Variants in RASA3 observed in about 807,000 individuals in gnomAD.
RASA3 encodes the protein ras GTPase-activating protein 3.
A neutral mutation model predicts 110.0 loss-of-function variants in RASA3; 73 were observed. That is an observed-to-expected ratio of 0.66 (90% CI 0.55 to 0.81). The LOEUF (loss-of-function observed/expected upper bound fraction) is 0.81, where lower values mean the gene tolerates loss of function less well. RASA3 is among the 30% of genes least tolerant of loss of function. The pLI, the probability that RASA3 is intolerant of heterozygous loss-of-function variation, is 0.00. For missense variants in RASA3, 976 were observed against 1,113.2 expected, an observed-to-expected ratio of 0.88 and a Z score of 1.75; for synonymous variants, 500 against 451.4, an observed-to-expected ratio of 1.11 and a Z score of -1.37.
intron 4 of RASA3, among the ~76,000 whole-genome samples, chr13:114,039,142 C>T (rs1202310244): frequency 6.6e-6 from 1 of 152,256 alleles, no homozygotes; most frequent in Non-Finnish European, 1.5e-5. Context: ...GGACTCTGCA[C>T]TCAGACACAC....
Position 114,089,305 on chromosome 13 carries a change from G to A in RASA3, c.56-15468C>T, listed in dbSNP as rs59544451. Among the ~76,000 whole-genome samples the A allele has an allele frequency of 7.9e-3, 1,144 of 145,340 alleles. 20 individuals carry two copies. The highest frequency in any genetic ancestry group is 0.026 in the African/African-American group (1,050 of 39,682). On this transcript the variant is annotated intron_variant, in intron 1 of 23. Coordinates refer to ENST00000334062, the MANE Select transcript of RASA3 (RefSeq NM_007368.4). ...GGGGAGACGAGCGGGGAGGAGGGGG[G>A]GAGGAGGGGGGAGGGGGAAGGGGAA...
chr13:113,993,427 C>T (rs1258161142), intron 21 of RASA3, among the ~76,000 whole-genome samples: 14 of 151,916 alleles, frequency 9.2e-5, no homozygotes, highest in African/African-American at 2.9e-4. Flanking sequence ...CCACCCACCT[C>T]GACCTCCCAA....
chr13:114,102,861 T>C (rs2080077703), intron 1 of RASA3, among the ~76,000 whole-genome samples: 1 of 152,182 alleles, frequency 6.6e-6, no homozygotes, highest in Non-Finnish European at 1.5e-5. Context: ...CCAAGTCGTC[T>C]GTATAATCGC....
intron 21 of RASA3, among the ~76,000 whole-genome samples, chr13:113,993,478 ATGTCTTTTTATAAATCTTACTT>A (rs997724098): frequency 6.6e-6 from 1 of 151,872 alleles, no homozygotes; most frequent in Non-Finnish European, 1.5e-5. Flanking sequence ...GCCCGGCCTC[ATGTCTTTTTATAAATCTTACTT>A]TGTGTTATTA....
intron 12 of RASA3, among the ~76,000 whole-genome samples, chr13:114,016,731 C>T (rs2053801306): frequency 6.6e-6 from 1 of 152,206 alleles, no homozygotes; most frequent in African/African-American, 2.4e-5. Context: ...ATGATTTTGC[C>T]CACAGAGCAA....
At chr13:114,083,435 C>A (rs547348412) in intron 1 of RASA3, among the ~76,000 whole-genome samples, 3 of 152,358 alleles carry the variant, frequency 2.0e-5, no homozygotes, top group East Asian at 1.9e-4. Context: ...TTCAGAGGCA[C>A]CCACACCTCC....
chr13:114,088,113 AGAGT>A (rs1399922778), intron 1 of RASA3, among the ~76,000 whole-genome samples: 1 of 132,822 alleles, frequency 7.5e-6, no homozygotes. Context: ...CCTGGATGAC[AGAGT>A]GAGGCCCTGT....
intron 1 of RASA3, among the ~76,000 whole-genome samples, chr13:114,074,456 T>C: frequency 6.6e-6 from 1 of 152,250 alleles, no homozygotes; most frequent in East Asian, 1.9e-4. Context: ...CTGGATTCCC[T>C]TCTATTTTAA....
rs562409528 is a variant in RASA3, at chr13:114,011,661, G to A, written c.1513-413C>T. Among the ~76,000 whole-genome samples, 178 of 152,130 alleles carry A rather than the reference G, an allele frequency of 1.2e-3. No homozygotes were observed. The highest frequency in any genetic ancestry group is 4.1e-3 in the African/African-American group (169 of 41,478). On this transcript the variant is annotated intron_variant, in intron 15 of 23. Transcript: ENST00000334062. The surrounding 1 kb of genome is among the most constrained non-coding windows in gnomAD (Gnocchi z 4.8). Reference sequence around the variant, plus strand: ...CTGGGGGCCGGGCTTGGTGGCTCACGCCTGTAATCCCAGCACTTCGGGAGG... The same window carrying A: ...CTGGGGGCCGGGCTTGGTGGCTCACACCTGTAATCCCAGCACTTCGGGAGG...
At chr13:114,020,616 C>T (rs1157727473) in intron 9 of RASA3, among the ~76,000 whole-genome samples, 1 of 152,222 alleles carries the variant, frequency 6.6e-6, no homozygotes, top group Non-Finnish European at 1.5e-5. Context: ...CTCTCAGGAG[C>T]TGCCTGTCGC....
chr13:114,089,758 A>AGTTCTGCT (rs2079868085), intron 1 of RASA3, among the ~76,000 whole-genome samples: 1 of 152,158 alleles, frequency 6.6e-6, no homozygotes, highest in Non-Finnish European at 1.5e-5. Flanking sequence ...CGAGTTGAGC[A>AGTTCTGCT]ACCGTTATCA....
intron 1 of RASA3, among the ~76,000 whole-genome samples, chr13:114,128,053 C>T (rs1281523924): frequency 6.6e-6 from 1 of 152,212 alleles, no homozygotes; most frequent in African/African-American, 2.4e-5. Flanking sequence ...CAGGTGCAGC[C>T]AGGCCCTGCA....
rs2080250085 is a variant in RASA3 at position 114,114,125 on chromosome 13, G to C, written c.55+18310C>G. Among the ~76,000 whole-genome samples the C allele has an allele frequency of 6.6e-6, 1 of 152,194 alleles. No individual in the cohort carries two copies. The highest frequency in any genetic ancestry group is 1.5e-5 in the Non-Finnish European group (1 of 68,042). On this transcript the variant is annotated intron_variant, in intron 1 of 23. Coordinates refer to ENST00000334062, the MANE Select transcript of RASA3 (RefSeq NM_007368.4). The surrounding 1 kb of genome is among the most constrained non-coding windows in gnomAD (Gnocchi z 4.8). ...AGTGTCTGCGATGTCTGTAGTATCT[G>C]CAATGTCCATGCAGCTCTCACCATG...
rs908210929 is a variant in RASA3 at position 114,053,804 on chromosome 13, A to G, written c.174-1649T>C. 2.6e-5 allele frequency among the ~76,000 whole-genome samples: 4 copies of G among 152,278 alleles called. No homozygotes were observed. In the East Asian group the frequency reaches 5.8e-4, roughly 22 times the overall value. On this transcript the variant is annotated intron_variant, in intron 2 of 23. Coordinates refer to ENST00000334062, the MANE Select transcript of RASA3 (RefSeq NM_007368.4). The stretch of plus-strand genomic sequence containing the variant: ...ACTTCATCAAAATTAAAAACATTAA[A>G]AACTTTTTTGCATTAAAAGCATTAT...
At chr13:114,066,286 G>A (rs372685537) in intron 2 of RASA3, among the ~76,000 whole-genome samples, 183 of 152,306 alleles carry the variant, frequency 1.2e-3, no homozygotes, top group African/African-American at 2.2e-3. Context: ...ACCAGACACC[G>A]GGTCCCCTGC....
intron 8 of RASA3, among the ~76,000 whole-genome samples, chr13:114,021,752 G>C (rs1405021841): frequency 1.3e-5 from 2 of 152,174 alleles, no homozygotes; most frequent in East Asian, 3.9e-4. Context: ...CCATGGGCCC[G>C]GACTCAGACC....
At chr13:113,981,040 T>A (rs1338325441) in intron 23 of RASA3, among the ~76,000 whole-genome samples, 1 of 152,168 alleles carries the variant, frequency 6.6e-6, no homozygotes, top group African/African-American at 2.4e-5. Context: ...GGGTACCCAC[T>A]GGATGGAGAG....
intron 2 of RASA3, among the ~76,000 whole-genome samples, chr13:114,059,962 A>G (rs749962949): frequency 5.7e-4 from 87 of 152,228 alleles, no homozygotes; most frequent in African/African-American, 2.0e-3. Context: ...CGGGGGCAGC[A>G]CTGTGGCCTC....
chr13:114,003,521 TA>T (rs1331911943), intron 18 of RASA3, among the ~76,000 whole-genome samples: 1 of 152,244 alleles, frequency 6.6e-6, no homozygotes, highest in African/African-American at 2.4e-5. Flanking sequence ...TGTTAAAGAA[TA>T]AATCATAAGT....
Sources: allele counts gnomAD v4.1 joint callset (sites outside exome capture counted in the v4.1 genomes callset), GRCh38; gene constraint gnomAD v4.1.1; non-coding constraint Gnocchi (gnomAD v3.1); transcripts MANE v1.5; gene names NCBI Gene and HGNC (gene_info 2026-07-23, HGNC 2026-07-21).